ABCC3: variants seen among roughly 807,000 people sequenced by gnomAD.
ABCC3 encodes the protein ATP-binding cassette sub-family C member 3.
In ABCC3, 121 loss-of-function variants were observed where a neutral mutation model predicts 165.3. That is an observed-to-expected ratio of 0.73 (90% CI 0.63 to 0.85). The LOEUF (loss-of-function observed/expected upper bound fraction) is 0.85. Ranked by LOEUF, ABCC3 falls within the 40% of genes least tolerant of loss-of-function variation. ABCC3 has a pLI of 0.00. For missense variants in ABCC3, 1,869 were observed against 1,964.1 expected (o/e 0.95, Z 0.92); for synonymous variants, 733 against 810.1 (o/e 0.90, Z 1.62).
chr17:50,643,734 G>C, intron 1 of ABCC3: 5 of 423,440 alleles, frequency 1.2e-5, no homozygotes, highest in South Asian at 8.3e-5. Flanking sequence ...GGTAAAAAGA[G>C]GGACTAGGTT....
In ABCC3 at chr17:50,669,443, G is replaced by T. The variant is rs143749403; in HGVS notation, c.2156G>T (p.Arg719Leu). Residue 719 changes from arginine to leucine, a missense_variant, in exon 17 of 31, where the codon CGC becomes CTC. Transcript: ENST00000285238. ...TTCGGCAAAGCCCTGAACCCCAAGC[G>T]CTACCAGCAGACTCTGGAGGCCTGT... Reference protein sequence around the residue: ...VLFGKALNPKRYQQTLEACAL... With the variant: ...VLFGKALNPKLYQQTLEACAL... 3.4e-5 allele frequency: 55 copies of T among 1,614,130 alleles called. No homozygotes were observed. The African/African-American group carries it at 7.3e-4, about 22-fold the overall frequency.
In ABCC3 at chr17:50,639,207, C is replaced by A. The variant is rs567742349; in HGVS notation, c.45+4226C>A. ...CCCTGCAAGGCCAGAGCTCCCGGGG[C>A]TCCTTTCCTCCATCTCAGCTGCTGC... is the stretch of plus-strand genomic sequence containing the variant. On this transcript the variant is annotated intron_variant, in intron 1 of 30. Transcript: ENST00000285238. Among the ~76,000 whole-genome samples, 4 of 152,088 alleles carry A rather than the reference C, an allele frequency of 2.6e-5. No individual in the cohort carries two copies. In the East Asian group the frequency reaches 7.8e-4, roughly 29 times the overall value.
Position 50,672,958 on chromosome 17 carries a change from C to CG in ABCC3, c.2242-12dup, listed in dbSNP as rs1567834796. On this transcript the variant is annotated splice_polypyrimidine_tract_variant and intron_variant, in intron 17 of 30. Coordinates refer to ENST00000285238, the MANE Select transcript of ABCC3 (RefSeq NM_003786.4). Reference sequence around the variant, plus strand: ...GTCTGACCCCATTTTTCCCACCCCCCGCCTCCCTCCAGGGCATTAACCTGT... The same window carrying CG: ...GTCTGACCCCATTTTTCCCACCCCCCGGCCTCCCTCCAGGGCATTAACCTGT... The CG allele has an allele frequency of 6.2e-7, 1 of 1,610,918 alleles. No homozygotes were observed. Among genetic ancestry groups the CG allele is most frequent in the African/African-American group, 1.3e-5 (1 of 74,856 alleles).
chr17:50,661,105 A>G lies in ABCC3; in HGVS notation c.989A>G (p.Gln330Arg). The G allele has an allele frequency of 6.2e-7, 1 of 1,612,780 alleles. No homozygotes were observed. Among genetic ancestry groups the G allele is most frequent in the Non-Finnish European group, 8.5e-7 (1 of 1,179,146 alleles). Reference sequence around the variant, plus strand: ...GACCTGCTCTCCTTCATCAATCCACAGCTGCTCAGGTCTCTCCACACTCCG... The same window carrying G: ...GACCTGCTCTCCTTCATCAATCCACGGCTGCTCAGGTCTCTCCACACTCCG... ...IQDLLSFINP[Q>R]LLSILIRFIS... is the part of the protein sequence containing the mutation. The change falls in exon 8 of 31, where the codon CAG becomes CGG. Residue 330 changes from glutamine to arginine, a missense_variant. Transcript: ENST00000285238.
Position 50,667,738 on chromosome 17 carries a change from G to A in ABCC3, c.1616G>A (p.Trp539Ter). The part of the protein sequence containing the change: ...AYLHTTTTFT[W>*]MCSPFLVTLI... ...CTCCACACCACAACCACCTTCACCT[G>A]GATGTGCAGCCCCTTCCTGGTGAGG... Residue 539 changes from tryptophan to a stop codon, truncating the protein, a stop_gained, in exon 12 of 31, where the codon TGG (tryptophan) becomes TAG (stop). Transcript: ENST00000285238. LOFTEE classifies it high-confidence loss of function. 6.2e-7 allele frequency: 1 copy of A among 1,614,088 alleles called. No homozygotes were observed. Among genetic ancestry groups the A allele is most frequent in the Non-Finnish European group, 8.5e-7 (1 of 1,180,034 alleles).
At chr17:50,671,086 T>C (rs1597855266) in intron 17 of ABCC3, among the ~76,000 whole-genome samples, 1 of 151,930 alleles carries the variant, frequency 6.6e-6, no homozygotes, top group African/African-American at 2.4e-5. Flanking sequence ...AAACCCCATC[T>C]CTACTAGAAA....
At chr17:50,679,708 G>C (rs921547735) in intron 25 of ABCC3, 90 bp from the exon 26 acceptor site, 20 of 1,232,618 alleles carry the variant, frequency 1.6e-5, no homozygotes, top group Non-Finnish European at 2.2e-5. Context: ...CCCATGGATG[G>C]GCACATGATC....
chr17:50,660,327 T>C (rs557088141), intron 7 of ABCC3, among the ~76,000 whole-genome samples: 1 of 152,284 alleles, frequency 6.6e-6, no homozygotes, highest in African/African-American at 2.4e-5. Context: ...AGCATCATCT[T>C]TCTCCACCCA....
chr17:50,672,013 C>T (rs929546300), intron 17 of ABCC3, among the ~76,000 whole-genome samples: 4 of 151,930 alleles, frequency 2.6e-5, no homozygotes, highest in African/African-American at 7.3e-5. Context: ...TGAGCCACCA[C>T]GCGCGACCTC....
At position 50,678,163 on chromosome 17, in the gene ABCC3, G is replaced by C. The variant is rs768867306; in HGVS notation, c.3649G>C (p.Gly1217Arg). 6.4e-7 allele frequency: 1 copy of C among 1,551,626 alleles called. No individual in the cohort carries two copies. Among genetic ancestry groups the C allele is most frequent in the Middle Eastern group, 1.7e-4 (1 of 5,738 alleles). ...VLFAALFAVI[G>R]RSSLNPGLVG... ...CTTTGCTGCACTATTTGCCGTCATCGGGAGGAGCAGCCTGAACCCGGGGCT... is the reference window on the plus strand; with the variant it reads ...CTTTGCTGCACTATTTGCCGTCATCCGGAGGAGCAGCCTGAACCCGGGGCT... The change falls in exon 25 of 31, where the codon GGG (glycine) becomes CGG (arginine). Residue 1217 changes from glycine (G) to arginine (R), a missense_variant. By Grantham distance (125) the Gly-to-Arg change is moderately radical. Transcript: ENST00000285238.
At chr17:50,661,258 C>A in intron 8 of ABCC3, 144 bp downstream of exon 8, 2 of 858,878 alleles carry the variant, frequency 2.3e-6, no homozygotes, top group Non-Finnish European at 3.4e-6. Flanking sequence ...TGACCTTTGG[C>A]AAGTGGCATT....
chr17:50,656,998 G>A (rs774499574), intron 3 of ABCC3, 48 bp from the exon 4 acceptor site: 4 of 1,595,520 alleles, frequency 2.5e-6, no homozygotes, highest in East Asian at 4.5e-5. Flanking sequence ...ATGGAGGCAG[G>A]TCCAGATGTG....
chr17:50,647,402 A>G (rs557111899), intron 1 of ABCC3, among the ~76,000 whole-genome samples: 65 of 152,280 alleles, frequency 4.3e-4, no homozygotes, highest in African/African-American at 1.6e-3. Context: ...TCTTACTTTG[A>G]GAGGTATTGA....
chr17:50,637,600 C>T (rs931749294), intron 1 of ABCC3, among the ~76,000 whole-genome samples: 8 of 152,186 alleles, frequency 5.3e-5, no homozygotes, highest in Admixed American at 5.2e-4. Flanking sequence ...CTGGGCCGCT[C>T]ATTTAATCTA....
Position 50,655,855 on chromosome 17 carries a change from A to G in ABCC3, c.69A>G (p.Thr23=), listed in dbSNP as rs772336608. ...KFWDSNLSVH[T]ENPDLTPCFQ... Reference sequence around the variant, plus strand: ...AGGACTCCAACCTGTCTGTGCACACAGAAAACCCGGACCTCACTCCCTGCT... The same window carrying G: ...AGGACTCCAACCTGTCTGTGCACACGGAAAACCCGGACCTCACTCCCTGCT... The change falls in exon 2 of 31, where the codon ACA becomes ACG. Residue 23 remains threonine, a synonymous_variant. Coordinates refer to ENST00000285238, the MANE Select transcript of ABCC3 (RefSeq NM_003786.4). 8.1e-6 allele frequency: 13 copies of G among 1,613,928 alleles called. No individual in the cohort carries two copies. Among genetic ancestry groups the G allele is most frequent in the East Asian group, 2.2e-5 (1 of 44,882 alleles).
chr17:50,665,353 T>G, intron 11 of ABCC3, 108 bp downstream of exon 11: 1 of 925,722 alleles, frequency 1.1e-6, no homozygotes, highest in Non-Finnish European at 1.7e-6. Context: ...TTCCTGAGTA[T>G]GGATGGCTAC....
rs1358966096 is a variant in ABCC3 at position 50,683,895 on chromosome 17, T to C, written c.3955-54T>C. On this transcript the variant is annotated intron_variant, in intron 27 of 30. Coordinates refer to ENST00000285238, the MANE Select transcript of ABCC3 (RefSeq NM_003786.4). ...TCGGCCTCCAGGAGAGTCCTGGAGA[T>C]GCGCCTTTGACCTCTCAGCTTCCCC... 27 of 1,591,246 alleles carry C rather than the reference T, an allele frequency of 1.7e-5. No homozygotes were observed. The East Asian group carries it at 2.5e-4, about 15-fold the overall frequency.
chr17:50,634,972 C>T lies in ABCC3; in HGVS notation c.36C>T (p.Ser12=). 7.9e-7 allele frequency: 1 copy of T among 1,260,322 alleles called. No individual in the cohort carries two copies. The allele number at this position is 1,260,322 out of a possible 1,614,324, so 78.1% of individuals were successfully genotyped here. ...TGTGCGGTTCCGGGGAGCTCGGCTC[C>T]AAGTTCTGGGTAAGGCGCGGGGCTC... ...DALCGSGELG[S]KFWDSNLSVH... Residue 12 remains serine, a synonymous_variant, in exon 1 of 31, where the codon TCC becomes TCT. Transcript: ENST00000285238.
At chr17:50,659,455 C>A in intron 7 of ABCC3, 87 bp downstream of exon 7, 25 of 1,474,890 alleles carry the variant, frequency 1.7e-5, no homozygotes, top group Non-Finnish European at 2.3e-5. Flanking sequence ...TGGAGGGCGG[C>A]ATTGCTGGGG....
Sources: allele counts gnomAD v4.1 joint callset (sites outside exome capture counted in the v4.1 genomes callset), GRCh38; gene constraint gnomAD v4.1.1; transcripts MANE v1.5; gene names NCBI Gene and HGNC (gene_info 2026-07-23, HGNC 2026-07-21).